The following DNAH11 variants were observed in gnomAD, a reference collection of about 807,000 sequenced individuals.
DNAH11 encodes dynein axonemal heavy chain 11, also known as axonemal beta dynein heavy chain 11.
Under a neutral mutation model 526.0 loss-of-function variants are expected in DNAH11, and 442 were observed. The observed-to-expected ratio is 0.84, with a 90% CI of 0.78 to 0.91. The LOEUF (loss-of-function observed/expected upper bound fraction) is 0.91, where lower values mean the gene tolerates loss of function less well. DNAH11 is among the 40% of genes least tolerant of loss of function. DNAH11 has a pLI of 0.00. For synonymous variants in DNAH11, 2,461 were observed against 1,935.9 expected, an observed-to-expected ratio of 1.27 and a Z score of -7.12; for missense variants, 6,989 against 5,448.7, an observed-to-expected ratio of 1.28 and a Z score of -8.90.
intron 65 of DNAH11, among the ~76,000 whole-genome samples, chr7:21,837,444 T>G (rs536235804): frequency 1.1e-3 from 160 of 152,254 alleles, no homozygotes; most frequent in African/African-American, 3.7e-3. Context: ...ATGAACCTGG[T>G]GGGCATTATG....
At chr7:21,553,270 C>G (rs1783093333) in intron 2 of DNAH11, among the ~76,000 whole-genome samples, 1 of 152,044 alleles carries the variant, frequency 6.6e-6, no homozygotes, top group African/African-American at 2.4e-5. Context: ...AAACCCAATC[C>G]CACAATCATG....
At chr7:21,874,293 G>C (rs1200965251) in intron 74 of DNAH11, among the ~76,000 whole-genome samples, 1 of 151,166 alleles carries the variant, frequency 6.6e-6, no homozygotes, top group Non-Finnish European at 1.5e-5. Context: ...ATATGTTCAT[G>C]TTTTTCCAAG....
chr7:21,798,026 G>T (rs1423170956), intron 61 of DNAH11, among the ~76,000 whole-genome samples: 4 of 152,206 alleles, frequency 2.6e-5, no homozygotes, highest in African/African-American at 9.7e-5. Context: ...ATGAGAAAAT[G>T]TAAAGCTCAC....
In DNAH11 at chr7:21,619,842, T is replaced by C. The variant is rs147525468; in HGVS notation, c.4378-114T>C. ...TGGAGGAAAAAACTCAAGCCAATAA[T>C]ACTTGATATCAGTTTGCATTTTTGA... On this transcript the variant is annotated intron_variant, in intron 24 of 81. Coordinates refer to ENST00000409508, the MANE Select transcript of DNAH11 (RefSeq NM_001277115.2). 57 of 988,330 alleles carry C rather than the reference T, an allele frequency of 5.8e-5. No homozygotes were observed. The African/African-American group carries it at 8.1e-4, about 14-fold the overall frequency. 61.2% of individuals were successfully genotyped at this position (988,330 alleles called of 1,614,324 possible). A position where few individuals can be genotyped will look rare whatever the true frequency, so the allele number is the denominator to read the frequency against.
Position 21,863,809 on chromosome 7 carries a change from C to T in DNAH11, c.11374-726C>T, listed in dbSNP as rs112307545. On this transcript the variant is annotated intron_variant, in intron 69 of 81. Transcript: ENST00000409508. ...AAATAAACTCAAGAAAAAATAATAT[C>T]TAATAAAATATTTTAGTGCATGTTA... Among the ~76,000 whole-genome samples, 445 of 152,166 alleles carry T rather than the reference C, an allele frequency of 2.9e-3. 1 individual carries two copies. The highest frequency in any genetic ancestry group is 0.01 in the Middle Eastern group (3 of 294).
In DNAH11 at chr7:21,559,808, T is replaced by C; in HGVS notation, c.882+16T>C. The C allele has an allele frequency of 1.3e-6, 2 of 1,566,308 alleles. No homozygotes were observed. The highest frequency in any genetic ancestry group is 1.7e-6 in the Non-Finnish European group (2 of 1,153,548). ...TTATGATCAAGTAAGTAGATAGCCC[T>C]AGAAATTATAAATTAAATTAGCAAA... On this transcript the variant is annotated intron_variant, in intron 4 of 81. Transcript: ENST00000409508.
chr7:21,591,204 T>C lies in DNAH11; in HGVS notation c.2294T>C (p.Leu765Pro). The change falls in exon 14 of 82, where the codon CTT becomes CCT. Residue 765 changes from leucine to proline, a missense_variant. By Grantham distance (98) the Leu-to-Pro change is moderately conservative (BLOSUM62 -3). Transcript: ENST00000409508. ...GCTCAGTACATTGGAAATCTTGACC[T>C]TCTTGTGCAAGGGTATAATAAACTC... Reference protein sequence around the residue: ...TILKYIGNLDLLVQGYNKLKQ... With the variant: ...TILKYIGNLDPLVQGYNKLKQ... The C allele has an allele frequency of 1.3e-6, 2 of 1,548,194 alleles. No individual in the cohort carries two copies. Among genetic ancestry groups the C allele is most frequent in the Non-Finnish European group, 1.7e-6 (2 of 1,153,044 alleles).
chr7:21,631,704 C>T (rs1186070632), intron 25 of DNAH11, among the ~76,000 whole-genome samples: 3 of 152,214 alleles, frequency 2.0e-5, no homozygotes, highest in African/African-American at 4.8e-5. Flanking sequence ...CAGTCTTGGG[C>T]AGCTCCGCCT....
chr7:21,744,450 G>T lies in DNAH11; in HGVS notation c.8167G>T (p.Ala2723Ser). 6.2e-7 allele frequency: 1 copy of T among 1,613,350 alleles called. No homozygotes were observed. Among genetic ancestry groups the T allele is most frequent in the Non-Finnish European group, 8.5e-7 (1 of 1,179,634 alleles). ...LSNVFQGILF[A>S]SPECLKGPLD... ...TCTTGCCTTGTAGGGGATTTTATTT[G>T]CTTCTCCTGAGTGTTTAAAAGGTCC... Residue 2723 changes from alanine (A) to serine (S), a missense_variant, in exon 50 of 82, where the codon GCT becomes TCT. Coordinates refer to ENST00000409508, the MANE Select transcript of DNAH11 (RefSeq NM_001277115.2).
intron 66 of DNAH11, among the ~76,000 whole-genome samples, chr7:21,848,510 C>G (rs186248046): frequency 1.3e-5 from 2 of 152,048 alleles, no homozygotes; most frequent in Non-Finnish European, 2.9e-5. Flanking sequence ...ATACTTGTTT[C>G]TCACTAGTTT....
Position 21,543,513 on chromosome 7 carries a change from C to A in DNAH11, c.268C>A (p.Leu90Ile). ...YLESEDNRQV[L>I]GEFLESTSPA... ...GGAAAGCGAGGACAACCGGCAGGTTCTTGGGGAGTTTCTGGAAAGCACCAG... is the reference window on the plus strand; with the variant it reads ...GGAAAGCGAGGACAACCGGCAGGTTATTGGGGAGTTTCTGGAAAGCACCAG... Residue 90 changes from leucine to isoleucine, a missense_variant, in exon 1 of 82, where the codon CTT (leucine) becomes ATT (isoleucine). Physicochemically the swap from Leu to Ile is conservative, Grantham distance 5. Coordinates refer to ENST00000409508, the MANE Select transcript of DNAH11 (RefSeq NM_001277115.2). The A allele has an allele frequency of 6.2e-7, 1 of 1,609,550 alleles. No individual in the cohort carries two copies. The highest frequency in any genetic ancestry group is 1.1e-5 in the South Asian group (1 of 89,820).
chr7:21,582,974 A>G (rs1487005236), intron 9 of DNAH11, among the ~76,000 whole-genome samples: 1 of 152,160 alleles, frequency 6.6e-6, no homozygotes, highest in Non-Finnish European at 1.5e-5. Context: ...GAGGATCTGG[A>G]TAGGAAGAAT....
At chr7:21,687,826 G>A (rs942219208) in intron 34 of DNAH11, among the ~76,000 whole-genome samples, 3 of 152,100 alleles carry the variant, frequency 2.0e-5, no homozygotes, top group African/African-American at 4.8e-5. Context: ...AGTTTGAGGC[G>A]AGAGGATTGT....
At chr7:21,786,538 C>T (rs1008608916) in intron 58 of DNAH11, 86 bp from the exon 59 acceptor site, 1 of 1,485,418 alleles carries the variant, frequency 6.7e-7, no homozygotes, top group Admixed American at 2.1e-5. Context: ...TGGGAGTCCA[C>T]TAAAGCCTTG....
chr7:21,899,592 T>A, intron 80 of DNAH11, 144 bp downstream of exon 80: 1 of 713,930 alleles, frequency 1.4e-6, no homozygotes, highest in Non-Finnish European at 2.3e-6. Flanking sequence ...CCAGCAGCTA[T>A]AGAGGAAACA....
chr7:21,821,760 G>C (rs1050570568), intron 65 of DNAH11, among the ~76,000 whole-genome samples: 3 of 151,678 alleles, frequency 2.0e-5, no homozygotes, highest in African/African-American at 4.8e-5. Context: ...TAAATTATTG[G>C]TAACTATAAC....
intron 18 of DNAH11, among the ~76,000 whole-genome samples, chr7:21,605,498 T>G (rs78206089): frequency 0.026 from 3,903 of 152,302 alleles, 150 homozygotes; most frequent in African/African-American, 0.089. Flanking sequence ...AACTATTTAT[T>G]GTGTCTTTTG....
intron 66 of DNAH11, among the ~76,000 whole-genome samples, chr7:21,851,952 G>T (rs1054138094): frequency 6.6e-6 from 1 of 151,974 alleles, no homozygotes. Context: ...ATTGTTAAGC[G>T]TTTATACTCT....
chr7:21,896,610 C>G (rs1784523814), intron 79 of DNAH11, among the ~76,000 whole-genome samples: 1 of 152,180 alleles, frequency 6.6e-6, no homozygotes, highest in Non-Finnish European at 1.5e-5. Flanking sequence ...AGTCTTAGCA[C>G]TTTTTTCTCT....
Sources: allele counts gnomAD v4.1 joint callset (sites outside exome capture counted in the v4.1 genomes callset), GRCh38; gene constraint gnomAD v4.1.1; transcripts MANE v1.5; gene names NCBI Gene and HGNC (gene_info 2026-07-23, HGNC 2026-07-21).